DMD: variants seen among roughly 807,000 people sequenced by gnomAD.
DMD encodes mutant dystrophin.
Under a neutral mutation model 330.1 loss-of-function variants are expected in DMD, and 63 were observed. That is an observed-to-expected ratio of 0.19 (90% CI 0.16 to 0.24). The LOEUF (loss-of-function observed/expected upper bound fraction) is 0.24. DMD is among the 10% of genes least tolerant of loss of function. The probability of loss-of-function intolerance (pLI) is 1.00; values close to 1 mark genes in which losing one functional copy is unlikely to be tolerated. For missense variants in DMD, 3,344 were observed against 2,684.1 expected (o/e 1.25, Z -5.43); for synonymous variants, 1,223 against 959.8 (o/e 1.27, Z -5.07).
At chrX:33,328,390 G>T (rs772877482) in intron 1 of DMD, among the ~76,000 whole-genome samples, 4 of 109,917 alleles carry the variant, frequency 3.6e-5, no homozygotes, top group Admixed American at 9.8e-5. Flanking sequence ...TAGAGATGGG[G>T]TTTCACCATA....
At chrX:32,344,281 C>G (rs1314279723) in intron 39 of DMD, among the ~76,000 whole-genome samples, 2 of 111,593 alleles carry the variant, frequency 1.8e-5, no homozygotes. Flanking sequence ...AAATTTCATT[C>G]CATTGGAAAA....
chrX:32,972,569 A>G (rs1336860815), intron 2 of DMD, among the ~76,000 whole-genome samples: 1 of 112,045 alleles, frequency 8.9e-6, no homozygotes, highest in African/African-American at 3.2e-5. Context: ...ATTGAAAAAA[A>G]TTGATCAACA....
chrX:32,173,035 A>G (rs1181676229), intron 44 of DMD, among the ~76,000 whole-genome samples: 1 of 104,541 alleles, frequency 9.6e-6, no homozygotes, highest in Non-Finnish European at 1.9e-5. Flanking sequence ...ATTGGACTCA[A>G]TTTTATTTTC....
intron 7 of DMD, among the ~76,000 whole-genome samples, chrX:32,784,697 G>A (rs945639564): frequency 1.8e-5 from 2 of 111,476 alleles, no homozygotes; most frequent in African/African-American, 6.5e-5. Flanking sequence ...CTACTGTATG[G>A]ATCCGTGGAT....
chrX:33,187,534 CA>C (rs1456451101), intron 1 of DMD, among the ~76,000 whole-genome samples: 1 of 111,806 alleles, frequency 8.9e-6, no homozygotes. Flanking sequence ...AGGAAAAAAG[CA>C]AATAAAAAGG....
intron 44 of DMD, among the ~76,000 whole-genome samples, chrX:31,977,684 C>T (rs1162427293): frequency 9.2e-6 from 1 of 108,568 alleles, no homozygotes; most frequent in Admixed American, 1.0e-4. Context: ...AACTCATTAT[C>T]TGTTGTATGG....
rs146713458 is a variant in DMD at position 32,961,807 on chromosome X, G to A, written c.93+58332C>T. On this transcript the variant is annotated intron_variant, in intron 2 of 78. Coordinates refer to ENST00000357033, the MANE Select transcript of DMD (RefSeq NM_004006.3). Reference sequence around the variant, plus strand: ...TTTCTCAGCTGTTAAAGCTCGTCTCGTTGCCATTTGTCCCCTCTTAATGAT... The same window carrying A: ...TTTCTCAGCTGTTAAAGCTCGTCTCATTGCCATTTGTCCCCTCTTAATGAT... Among the ~76,000 whole-genome samples the A allele has an allele frequency of 3.2e-3, 360 of 111,235 alleles. 3 individuals carry two copies. The highest frequency in any genetic ancestry group is 5.5e-3 in the Non-Finnish European group (289 of 53,018).
intron 8 of DMD, 134 bp downstream of exon 8, chrX:32,698,978 A>G (rs1470769011): frequency 1.8e-6 from 1 of 553,324 alleles, no homozygotes; most frequent in African/African-American, 2.4e-5. Flanking sequence ...CTTTTTGTAC[A>G]TATACATACA....
intron 48 of DMD, among the ~76,000 whole-genome samples, chrX:31,857,059 T>C (rs1477285676): frequency 1.8e-5 from 2 of 111,367 alleles, no homozygotes; most frequent in Non-Finnish European, 3.8e-5. Flanking sequence ...GCCTTCTTAA[T>C]GCTTACCAAA....
At chrX:32,301,724 A>C (rs1362384379) in intron 42 of DMD, among the ~76,000 whole-genome samples, 2 of 111,441 alleles carry the variant, frequency 1.8e-5, no homozygotes, top group African/African-American at 6.5e-5. Flanking sequence ...AGAAAAAAAC[A>C]CTACTGATTA....
At chrX:32,356,639 T>A (rs1322065531) in intron 37 of DMD, among the ~76,000 whole-genome samples, 2 of 76,722 alleles carry the variant, frequency 2.6e-5, no homozygotes, top group Non-Finnish European at 6.0e-5. Flanking sequence ...TTCACTTTTT[T>A]CTGGTTAGTA....
chrX:31,227,795 C>G (rs1014823934), intron 63 of DMD, among the ~76,000 whole-genome samples: 2 of 110,764 alleles, frequency 1.8e-5, no homozygotes, highest in African/African-American at 6.6e-5. Flanking sequence ...GTTTGTAGTT[C>G]TCCTTGAAGA....
chrX:32,805,684 A>G (rs1569525585), intron 7 of DMD, among the ~76,000 whole-genome samples: 1 of 111,779 alleles, frequency 8.9e-6, no homozygotes, highest in Non-Finnish European at 1.9e-5. Context: ...GGACAGTCAA[A>G]GAGAAAGGTC....
rs1362419537 is a variant in DMD, at chrX:32,279,607, A to G, written c.6290+7922T>C. ...TCTCATTTATTTGTGGCAGGTAAAA[A>G]TCAAAACAACTGAACACTTGGAGAT... On this transcript the variant is annotated intron_variant, in intron 43 of 78. Transcript: ENST00000357033. Among the ~76,000 whole-genome samples the G allele has an allele frequency of 2.8e-5, 3 of 106,862 alleles. No homozygotes were observed. The East Asian group carries it at 9.1e-4, about 32-fold the overall frequency. 92.8% of individuals were successfully genotyped at this position (106,862 alleles called of 115,157 possible). A position where few individuals can be genotyped will look rare whatever the true frequency, so the allele number is the denominator to read the frequency against.
chrX:33,304,523 A>G (rs2053721781), intron 1 of DMD, among the ~76,000 whole-genome samples: 1 of 111,039 alleles, frequency 9.0e-6, no homozygotes, highest in African/African-American at 3.3e-5. Context: ...CTTCATGTCT[A>G]AAACACCAAA....
chrX:31,462,149 G>T (rs1009409026), intron 59 of DMD, among the ~76,000 whole-genome samples: 5 of 111,932 alleles, frequency 4.5e-5, no homozygotes, highest in Non-Finnish European at 7.5e-5. Context: ...ACAAATATTT[G>T]CCAGCACTTC....
intron 16 of DMD, among the ~76,000 whole-genome samples, chrX:32,555,447 C>A (rs1024404964): frequency 9.0e-6 from 1 of 111,393 alleles, no homozygotes; most frequent in African/African-American, 3.3e-5. Flanking sequence ...CCAGGGCAAT[C>A]AGGGAAGAGA....
chrX:31,652,817 C>A (rs2080534777), intron 54 of DMD, among the ~76,000 whole-genome samples: 1 of 110,648 alleles, frequency 9.0e-6, no homozygotes, highest in Non-Finnish European at 1.9e-5. Context: ...GGTCAAAGTA[C>A]AACTAGTAGC....
At chrX:31,234,652 C>A (rs1419482401) in intron 63 of DMD, among the ~76,000 whole-genome samples, 7 of 112,098 alleles carry the variant, frequency 6.2e-5, no homozygotes, top group Non-Finnish European at 1.3e-4. Context: ...AGATTATTCA[C>A]CCTGTAAAAA....
Sources: gnomAD v4.1 joint callset for allele counts (sites outside exome capture counted in the v4.1 genomes callset) on GRCh38, gnomAD v4.1.1 for gene constraint, MANE v1.5 for transcripts, NCBI Gene and HGNC (gene_info 2026-07-23, HGNC 2026-07-21) for gene names.